The following BAIAP2 variants were observed in gnomAD, a reference collection of about 807,000 sequenced individuals.
The protein encoded by BAIAP2 is BAR/IMD domain-containing adapter protein 2.
A neutral mutation model predicts 63.0 loss-of-function variants in BAIAP2; 18 were observed. The observed-to-expected ratio is 0.29, with a 90% CI of 0.20 to 0.42. The LOEUF is 0.42. BAIAP2 is among the 10% of genes least tolerant of loss of function. The pLI is 1.00. For synonymous variants in BAIAP2, 386 were observed against 307.6 expected, an observed-to-expected ratio of 1.25 and a Z score of -2.67; for missense variants, 610 against 734.3, an observed-to-expected ratio of 0.83 and a Z score of 1.96.
chr17:81,103,603 C>T lies in BAIAP2; in HGVS notation c.744C>T (p.Ala248=), dbSNP rs1022352094. The T allele has an allele frequency of 2.5e-6, 4 of 1,605,244 alleles. No homozygotes were observed. The highest frequency in any genetic ancestry group is 2.5e-6 in the Non-Finnish European group (3 of 1,179,288). ...CGGTGCAGCTCATGCAGCAGGTGGC[C>T]AGCAACGGCGCCACCCTCCCCAGCG... The part of the protein sequence containing the change: ...ERAVQLMQQV[A]SNGATLPSAL... Residue 248 remains alanine, a synonymous_variant, in exon 8 of 14, where the codon GCC becomes GCT. Coordinates refer to ENST00000428708, the MANE Select transcript of BAIAP2 (RefSeq NM_001144888.2).
chr17:81,056,643 T>C (rs2049613430), intron 2 of BAIAP2, among the ~76,000 whole-genome samples: 1 of 152,204 alleles, frequency 6.6e-6, no homozygotes, highest in Non-Finnish European at 1.5e-5. Flanking sequence ...TTTCCGCTCC[T>C]GTTTGGTTCC....
intron 1 of BAIAP2, among the ~76,000 whole-genome samples, chr17:81,038,117 C>T (rs891182509): frequency 1.3e-5 from 2 of 152,242 alleles, no homozygotes; most frequent in African/African-American, 4.8e-5. Flanking sequence ...TCCACAGGAG[C>T]CCGGGCCCAG....
intron 6 of BAIAP2, among the ~76,000 whole-genome samples, chr17:81,093,056 G>C (rs1250479745): frequency 6.6e-6 from 1 of 151,474 alleles, no homozygotes; most frequent in African/African-American, 2.4e-5. Context: ...CCCAGGGTGG[G>C]AGGCGAGTGG....
chr17:81,053,809 C>A, intron 2 of BAIAP2, 66 bp downstream of exon 2: 1 of 1,572,138 alleles, frequency 6.4e-7, no homozygotes, highest in Non-Finnish European at 8.7e-7. Context: ...TGCGCCCGGG[C>A]CCCGTGGGGT....
intron 1 of BAIAP2, among the ~76,000 whole-genome samples, chr17:81,047,342 T>A (rs1421866023): frequency 2.0e-5 from 3 of 152,006 alleles, no homozygotes; most frequent in Non-Finnish European, 4.4e-5. Context: ...GGACAGTGAC[T>A]CTCATGGAGG....
Position 81,116,428 on chromosome 17 carries a change from C to T in BAIAP2, c.*589C>T. 4 of 1,311,122 alleles carry T rather than the reference C, an allele frequency of 3.1e-6. No homozygotes were observed. The highest frequency in any genetic ancestry group is 4.2e-5 in the Admixed American group (2 of 47,548). 81.2% of individuals were successfully genotyped at this position (1,311,122 alleles called of 1,614,324 possible). ...CCCCTCACTCCCACTGGCAATGTCA[C>T]AAGGGCCTCCCCAGGCCCCTCCTGC... On this transcript the variant is annotated 3_prime_UTR_variant, in exon 14 of 14. Coordinates refer to ENST00000428708, the MANE Select transcript of BAIAP2 (RefSeq NM_001144888.2).
At chr17:81,059,493 G>A (rs774222128) in intron 3 of BAIAP2, among the ~76,000 whole-genome samples, 7 of 152,230 alleles carry the variant, frequency 4.6e-5, no homozygotes, top group Non-Finnish European at 8.8e-5. Context: ...TGTCGCCCAG[G>A]CTGGAATGCA....
At position 81,085,742 on chromosome 17, in the gene BAIAP2, C is replaced by T. The variant is rs376508801; in HGVS notation, c.351+17C>T. 2.5e-5 allele frequency: 40 copies of T among 1,608,272 alleles called. No homozygotes were observed. The highest frequency in any genetic ancestry group is 1.8e-4 in the South Asian group (16 of 90,910). On this transcript the variant is annotated intron_variant, in intron 5 of 13. Coordinates refer to ENST00000428708, the MANE Select transcript of BAIAP2 (RefSeq NM_001144888.2). ...TATCTGAGTGTAAGTGCACCCTGGCCGTGCCTGCTGGGCCCTGTGCCTGGG... is the reference window on the plus strand; with the variant it reads ...TATCTGAGTGTAAGTGCACCCTGGCTGTGCCTGCTGGGCCCTGTGCCTGGG...
intron 3 of BAIAP2, among the ~76,000 whole-genome samples, chr17:81,074,967 T>C (rs925974261): frequency 2.6e-5 from 4 of 152,242 alleles, no homozygotes; most frequent in African/African-American, 9.6e-5. Flanking sequence ...AAGAGAATAA[T>C]GTAGTTCTGT....
rs2059839556 is a variant in BAIAP2, at chr17:81,110,842, T to TC, written c.1535+2339dup. The TC allele has an allele frequency of 5.0e-6, 8 of 1,587,618 alleles. No homozygotes were observed. The South Asian group carries it at 6.6e-5, about 13-fold the overall frequency. On this transcript the variant is annotated intron_variant, in intron 13 of 13. Coordinates refer to ENST00000428708, the MANE Select transcript of BAIAP2 (RefSeq NM_001144888.2). Reference sequence around the variant, plus strand: ...AGGTCTCCTGGCAGCTCGCCCGTGGTCCCCCCTCCTCTGCACCCCCGAGTC... The same window carrying TC: ...AGGTCTCCTGGCAGCTCGCCCGTGGTCCCCCCCTCCTCTGCACCCCCGAGTC...
intron 3 of BAIAP2, among the ~76,000 whole-genome samples, chr17:81,068,454 G>A (rs559610731): frequency 4.6e-5 from 7 of 152,358 alleles, no homozygotes; most frequent in East Asian, 1.9e-4. Context: ...AGTGCCATCC[G>A]GGTCACGGGT....
intron 6 of BAIAP2, among the ~76,000 whole-genome samples, chr17:81,096,583 T>C (rs2057653564): frequency 6.6e-6 from 1 of 152,180 alleles, no homozygotes; most frequent in Non-Finnish European, 1.5e-5. Flanking sequence ...GGTGCTCATC[T>C]CCAGGCCCCT....
At chr17:81,082,618 C>A (rs1407886700) in intron 3 of BAIAP2, among the ~76,000 whole-genome samples, 1 of 152,230 alleles carries the variant, frequency 6.6e-6, no homozygotes, top group Admixed American at 6.5e-5. Flanking sequence ...GTGACTGTCA[C>A]CTCTGGGTCC....
intron 3 of BAIAP2, among the ~76,000 whole-genome samples, chr17:81,084,553 C>T (rs1226284601): frequency 6.6e-6 from 1 of 152,200 alleles, no homozygotes; most frequent in Admixed American, 6.5e-5. Flanking sequence ...GAAGCACACA[C>T]GGGCTCTTCC....
intron 3 of BAIAP2, among the ~76,000 whole-genome samples, chr17:81,071,240 A>AC (rs973728829): frequency 1.5e-4 from 23 of 152,012 alleles, no homozygotes; most frequent in Admixed American, 1.4e-3. Context: ...ATTGGGAGTC[A>AC]CCCCCGAGGT....
At chr17:81,099,845 C>T (rs2058252780) in intron 6 of BAIAP2, 83 bp from the exon 7 acceptor site, 2 of 1,486,342 alleles carry the variant, frequency 1.3e-6, no homozygotes, top group Admixed American at 2.0e-5. Flanking sequence ...TGTCCTTTGA[C>T]TGAGTCCGTG....
chr17:81,093,592 C>A (rs946392712), intron 6 of BAIAP2, among the ~76,000 whole-genome samples: 1 of 151,998 alleles, frequency 6.6e-6, no homozygotes, highest in African/African-American at 2.4e-5. Flanking sequence ...GCAGGATCAT[C>A]GTGGGGGTCC....
chr17:81,084,464 T>G (rs1176965766), intron 3 of BAIAP2, among the ~76,000 whole-genome samples: 7 of 152,128 alleles, frequency 4.6e-5, no homozygotes, highest in Non-Finnish European at 8.8e-5. Context: ...TCGGAGCTCT[T>G]GGGTCTCTGC....
intron 6 of BAIAP2, chr17:81,098,285 C>A: frequency 9.9e-7 from 1 of 1,006,530 alleles, no homozygotes; most frequent in Non-Finnish European, 1.3e-6. Flanking sequence ...TGGGAGGCAG[C>A]GGCCGCCCTC....
Sources: allele counts gnomAD v4.1 joint callset (sites outside exome capture counted in the v4.1 genomes callset), GRCh38; gene constraint gnomAD v4.1.1; transcripts MANE v1.5; gene names NCBI Gene and HGNC (gene_info 2026-07-23, HGNC 2026-07-21).